The following RAB31 variants were observed in gnomAD, a reference collection of about 807,000 sequenced individuals.
RAB31 encodes the protein ras-related protein Rab-31.
In RAB31, 21 loss-of-function variants were observed where a neutral mutation model predicts 25.6. The ratio of observed to expected loss-of-function variants is 0.82; its 90% CI spans 0.58 to 1.18. The LOEUF is 1.18. Among genes scored for constraint, RAB31 ranks in the 50% most tolerant of loss-of-function variants. The pLI, the probability that RAB31 is intolerant of heterozygous loss-of-function variation, is 0.00. For synonymous variants in RAB31, 87 were observed against 84.0 expected, an observed-to-expected ratio of 1.04 and a Z score of -0.20; for missense variants, 196 against 250.1, an observed-to-expected ratio of 0.78 and a Z score of 1.46.
At chr18:9,825,541 G>C (rs755021882) in intron 5 of RAB31, among the ~76,000 whole-genome samples, 1 of 152,230 alleles carries the variant, frequency 6.6e-6, no homozygotes, top group Non-Finnish European at 1.5e-5. Flanking sequence ...CAGGTCCAGA[G>C]ATTTTGATTC....
intron 5 of RAB31, among the ~76,000 whole-genome samples, chr18:9,837,925 TG>T (rs2068713436): frequency 6.6e-6 from 1 of 152,204 alleles, no homozygotes; most frequent in Non-Finnish European, 1.5e-5. Flanking sequence ...GGGGTTGAGT[TG>T]GATAACACTA....
At chr18:9,832,421 A>T (rs1255600446) in intron 5 of RAB31, among the ~76,000 whole-genome samples, 2 of 152,222 alleles carry the variant, frequency 1.3e-5, no homozygotes, top group African/African-American at 4.8e-5. Context: ...TCACAGCACG[A>T]AGATCATCAG....
intron 1 of RAB31, among the ~76,000 whole-genome samples, chr18:9,715,713 A>G (rs900869234): frequency 3.3e-5 from 5 of 151,848 alleles, no homozygotes; most frequent in African/African-American, 4.8e-5. Context: ...TATTTTTTTT[A>G]GTAGAGATGG....
At chr18:9,709,986 T>C (rs754703237) in intron 1 of RAB31, among the ~76,000 whole-genome samples, 1 of 152,204 alleles carries the variant, frequency 6.6e-6, no homozygotes, top group Non-Finnish European at 1.5e-5. Flanking sequence ...GGACTGGCCT[T>C]GGGAAAGGTG....
At chr18:9,775,834 C>A (rs115153467) in intron 2 of RAB31, among the ~76,000 whole-genome samples, 1,546 of 152,144 alleles carry the variant, frequency 0.01, 25 homozygotes, top group African/African-American at 0.034. Context: ...TGTCACGTTG[C>A]CCAGGCTGGA....
At chr18:9,722,401 G>A (rs192094994) in intron 1 of RAB31, among the ~76,000 whole-genome samples, 17 of 152,270 alleles carry the variant, frequency 1.1e-4, no homozygotes, top group Admixed American at 7.8e-4. Flanking sequence ...GTTGCTGATG[G>A]ACTGTGTATG....
intron 5 of RAB31, among the ~76,000 whole-genome samples, chr18:9,817,550 T>G (rs118057017): frequency 6.6e-6 from 1 of 152,116 alleles, no homozygotes; most frequent in East Asian, 1.9e-4. Context: ...AGAACAGGCG[T>G]GTGTGGCCAA....
chr18:9,762,371 G>A (rs1046724492), intron 1 of RAB31, among the ~76,000 whole-genome samples: 34 of 152,316 alleles, frequency 2.2e-4, no homozygotes, highest in African/African-American at 7.0e-4. Flanking sequence ...AGTTTGGAGC[G>A]TGGTGCCTTG....
intron 3 of RAB31, among the ~76,000 whole-genome samples, chr18:9,811,149 A>G (rs559613448): frequency 1.3e-5 from 2 of 152,342 alleles, no homozygotes; most frequent in African/African-American, 4.8e-5. Flanking sequence ...GAATGGGGGC[A>G]GTGGGTGGCG....
chr18:9,856,703 A>G (rs2068817692), intron 6 of RAB31, among the ~76,000 whole-genome samples: 1 of 152,210 alleles, frequency 6.6e-6, no homozygotes, highest in South Asian at 2.1e-4. Context: ...AGCTGTACCC[A>G]TGAGAATTAT....
chr18:9,759,170 AT>A (rs1369350493), intron 1 of RAB31, among the ~76,000 whole-genome samples: 2 of 152,008 alleles, frequency 1.3e-5, no homozygotes, highest in Non-Finnish European at 2.9e-5. Flanking sequence ...GAGGACATTT[AT>A]CTATACAGCG....
chr18:9,786,275 G>A (rs562214429), intron 2 of RAB31, among the ~76,000 whole-genome samples: 22 of 152,332 alleles, frequency 1.4e-4, no homozygotes, highest in Non-Finnish European at 2.5e-4. Flanking sequence ...GGAAAGTGGC[G>A]CCCAGGGAGG....
intron 1 of RAB31, among the ~76,000 whole-genome samples, chr18:9,768,472 T>A (rs1263939861): frequency 6.6e-6 from 1 of 152,230 alleles, no homozygotes; most frequent in Non-Finnish European, 1.5e-5. Flanking sequence ...CTTTTTTCCA[T>A]ATGTTTTTTG....
At chr18:9,800,754 G>A (rs1382733876) in intron 3 of RAB31, among the ~76,000 whole-genome samples, 1 of 152,010 alleles carries the variant, frequency 6.6e-6, no homozygotes, top group Non-Finnish European at 1.5e-5. Context: ...TTTCTGTGTT[G>A]ACTATCAGTA....
At chr18:9,751,973 T>C (rs2068237455) in intron 1 of RAB31, among the ~76,000 whole-genome samples, 1 of 152,204 alleles carries the variant, frequency 6.6e-6, no homozygotes, top group Admixed American at 6.5e-5. Context: ...GGGATTGTAC[T>C]AGAATCCCTT....
chr18:9,719,617 C>T (rs886327638), intron 1 of RAB31, among the ~76,000 whole-genome samples: 2 of 151,806 alleles, frequency 1.3e-5, no homozygotes, highest in South Asian at 2.1e-4. Context: ...GTTTCACGTT[C>T]GGAGGACGGC....
chr18:9,713,476 A>G (rs1184018874), intron 1 of RAB31, among the ~76,000 whole-genome samples: 2 of 152,208 alleles, frequency 1.3e-5, no homozygotes, highest in Non-Finnish European at 2.9e-5. Context: ...TCTTCCCAGC[A>G]GTGCCTGGCA....
In RAB31 at chr18:9,770,577, G is replaced by C. The variant is rs959432239; in HGVS notation, c.40-4701G>C. Among the ~76,000 whole-genome samples the C allele has an allele frequency of 3.3e-5, 5 of 152,198 alleles. 1 individual carries two copies. In the South Asian group the frequency reaches 1.0e-3, roughly 31 times the overall value. On this transcript the variant is annotated intron_variant, in intron 1 of 6. Transcript: ENST00000578921. ...GGAAGTAGATGGAACCAATTGCTGGGCATGAGTACGTCTCTGATATCGACT... is the reference window on the plus strand; with the variant it reads ...GGAAGTAGATGGAACCAATTGCTGGCCATGAGTACGTCTCTGATATCGACT...
At chr18:9,748,521 A>G (rs1323828721) in intron 1 of RAB31, among the ~76,000 whole-genome samples, 2 of 151,696 alleles carry the variant, frequency 1.3e-5, no homozygotes, top group East Asian at 3.9e-4. Context: ...CAAAAAAGCT[A>G]CATTTATATA....
Sources: gnomAD v4.1 joint callset for allele counts (sites outside exome capture counted in the v4.1 genomes callset) on GRCh38, gnomAD v4.1.1 for gene constraint, MANE v1.5 for transcripts, NCBI Gene and HGNC (gene_info 2026-07-23, HGNC 2026-07-21) for gene names.